The following EHMT1 variants were observed in gnomAD, a reference collection of about 807,000 sequenced individuals.
The protein encoded by EHMT1 is euchromatic histone lysine methyltransferase 1.
EHMT1 carries 15 observed loss-of-function variants against 147.2 expected under a neutral mutation model. The ratio of observed to expected loss-of-function variants is 0.10; its 90% CI spans 0.07 to 0.16. The LOEUF (loss-of-function observed/expected upper bound fraction) is 0.16. Among genes scored for constraint, EHMT1 ranks in the 10% least tolerant of loss-of-function variants. The probability of loss-of-function intolerance (pLI) is 1.00; values close to 1 mark genes in which losing one functional copy is unlikely to be tolerated. For missense variants in EHMT1, 1,587 were observed against 1,772.4 expected, an observed-to-expected ratio of 0.90 and a Z score of 1.88; for synonymous variants, 795 against 709.6, an observed-to-expected ratio of 1.12 and a Z score of -1.91.
chr9:137,745,909 A>G (rs1288624467), intron 6 of EHMT1: 1 of 198,966 alleles, frequency 5.0e-6, no homozygotes, highest in Non-Finnish European at 1.0e-5. Flanking sequence ...GCAGCTCTTC[A>G]TTGCTGAGTC....
At chr9:137,789,546 G>A (rs754596896) in intron 15 of EHMT1, among the ~76,000 whole-genome samples, 1 of 152,128 alleles carries the variant, frequency 6.6e-6, no homozygotes, top group African/African-American at 2.4e-5. Flanking sequence ...TTTGGCAGCC[G>A]GACCTTGGCT....
intron 1 of EHMT1, chr9:137,665,043 T>C (rs1939481119): frequency 6.6e-6 from 1 of 152,188 alleles, no homozygotes; most frequent in Non-Finnish European, 1.5e-5. Context: ...GATACTGTAC[T>C]AGAAAGCGTG....
chr9:137,716,513 CATGGTGGGGGAGGAAGTTGTGGTG>C, intron 2 of EHMT1, 89 bp from the exon 3 acceptor site: 1 of 648,540 alleles, frequency 1.5e-6, no homozygotes, highest in South Asian at 2.2e-5. Flanking sequence ...GTGGTGGTGT[CATGGTGGGGGAGGAAGTTGTGGTG>C]GTGTCATGGT....
chr9:137,713,915 A>T (rs1944969162), intron 2 of EHMT1, among the ~76,000 whole-genome samples: 1 of 152,058 alleles, frequency 6.6e-6, no homozygotes, highest in Non-Finnish European at 1.5e-5. Context: ...ATGCCATTGC[A>T]CTCCAGCCTG....
chr9:137,624,945 C>T (rs1433593396), intron 1 of EHMT1, among the ~76,000 whole-genome samples: 5 of 151,516 alleles, frequency 3.3e-5, no homozygotes, highest in Admixed American at 6.6e-5. Context: ...TGCAGTGACG[C>T]GATTGGGTTC....
chr9:137,715,588 C>T, intron 2 of EHMT1: 1 of 985,420 alleles, frequency 1.0e-6, no homozygotes, highest in Non-Finnish European at 1.2e-6. Context: ...TCCGTGTGCA[C>T]CTAGCGATGC....
intron 10 of EHMT1, among the ~76,000 whole-genome samples, chr9:137,767,068 C>T (rs905200227): frequency 6.6e-6 from 1 of 152,196 alleles, no homozygotes; most frequent in Admixed American, 6.5e-5. Context: ...AGCTATCCAC[C>T]TGCCTTGGCC....
chr9:137,778,539 G>A (rs551571125), intron 13 of EHMT1, among the ~76,000 whole-genome samples: 72 of 152,296 alleles, frequency 4.7e-4, no homozygotes, highest in African/African-American at 1.7e-3. Context: ...TGAGGCTTGC[G>A]GTGCCTCCTC....
In EHMT1 at chr9:137,732,976, G is replaced by C. The variant is rs1043643657; in HGVS notation, c.823+4447G>C. On this transcript the variant is annotated intron_variant, in intron 4 of 26. Transcript: ENST00000460843. The surrounding 1 kb of genome is among the most constrained non-coding windows in gnomAD (Gnocchi z 4.6). ...TAAGTTTACCACAGGCAGGAAAGAA[G>C]AGCAGAGTCACATGTTGGTTTCAAC... Among the ~76,000 whole-genome samples the C allele has an allele frequency of 6.6e-6, 1 of 152,240 alleles. No homozygotes were observed. The highest frequency in any genetic ancestry group is 1.5e-5 in the Non-Finnish European group (1 of 68,048).
At position 137,834,535 on chromosome 9, in the gene EHMT1, C is replaced by T; in HGVS notation, c.3716+11C>T. On this transcript the variant is annotated intron_variant, in intron 26 of 26. Coordinates refer to ENST00000460843, the MANE Select transcript of EHMT1 (RefSeq NM_024757.5). ...CGGCGAGCAGCTCGGGTACGCACCGCCCCGGCCCCTGGCCATCTCCGCTGC... is the reference window on the plus strand; with the variant it reads ...CGGCGAGCAGCTCGGGTACGCACCGTCCCGGCCCCTGGCCATCTCCGCTGC... The T allele has an allele frequency of 6.2e-7, 1 of 1,609,128 alleles. No individual in the cohort carries two copies. Among genetic ancestry groups the T allele is most frequent in the Non-Finnish European group, 8.5e-7 (1 of 1,179,428 alleles).
chr9:137,721,642 C>A (rs1946066489), intron 3 of EHMT1, among the ~76,000 whole-genome samples: 1 of 150,334 alleles, frequency 6.7e-6, no homozygotes, highest in Admixed American at 6.6e-5. Context: ...CCACGCCTCT[C>A]ACTCTTGTTC....
In EHMT1 at chr9:137,682,795, C is replaced by T. The variant is rs370019909; in HGVS notation, c.22-28172C>T. ...GCTGCACTGAGACCCGCAGGCCCCA[C>T]GGCTGGAGAGGTGGGGAAGGATGTG... On this transcript the variant is annotated intron_variant, in intron 1 of 26. Coordinates refer to ENST00000460843, the MANE Select transcript of EHMT1 (RefSeq NM_024757.5). Among the ~76,000 whole-genome samples, 227 of 152,350 alleles carry T rather than the reference C, an allele frequency of 1.5e-3. 1 individual carries two copies. Among genetic ancestry groups the T allele is most frequent in the Non-Finnish European group, 1.9e-3 (128 of 68,032 alleles).
chr9:137,798,285 C>T (rs1267195882), intron 16 of EHMT1, among the ~76,000 whole-genome samples: 6 of 152,090 alleles, frequency 3.9e-5, no homozygotes, highest in African/African-American at 9.7e-5. Flanking sequence ...ACCTGTAGTC[C>T]CAGCTACGTG....
chr9:137,813,061 C>G lies in EHMT1; in HGVS notation c.2923C>G (p.Pro975Ala). The G allele has an allele frequency of 4.3e-6, 7 of 1,613,958 alleles. No individual in the cohort carries two copies. The highest frequency in any genetic ancestry group is 5.9e-6 in the Non-Finnish European group (7 of 1,180,036). Residue 975 changes from proline (P) to alanine (A), a missense_variant, in exon 20 of 27, where the codon CCC (proline) becomes GCC (alanine). This residue lies in a region of EHMT1 where 78 missense variants were observed against 68.9 expected (regional missense o/e 1.13). Coordinates refer to ENST00000460843, the MANE Select transcript of EHMT1 (RefSeq NM_024757.5). This position sits in a 1 kb window ranked among gnomAD's most constrained non-coding sequence, Gnocchi z 4.9. ...CTTAAAGAACAAGGAAGGAGAGACG[C>G]CCCTGCAGTGTGCGAGCCTCAACTC... ...VTLKNKEGET[P>A]LQCASLNSQV...
chr9:137,687,022 C>A (rs1942513323), intron 1 of EHMT1, among the ~76,000 whole-genome samples: 1 of 152,202 alleles, frequency 6.6e-6, no homozygotes, highest in Admixed American at 6.5e-5. Context: ...AGCCACCGCG[C>A]TGGCCCCAAC....
At chr9:137,833,688 G>A (rs555289886) in intron 25 of EHMT1, among the ~76,000 whole-genome samples, 91 of 152,348 alleles carry the variant, frequency 6.0e-4, no homozygotes, top group African/African-American at 2.1e-3. Flanking sequence ...GGGCCATGTG[G>A]CCACCCGGAA....
chr9:137,730,024 CTTCT>C (rs1157222101), intron 4 of EHMT1, among the ~76,000 whole-genome samples: 1 of 152,238 alleles, frequency 6.6e-6, no homozygotes, highest in Admixed American at 6.5e-5. Flanking sequence ...CATTCTCAGC[CTTCT>C]TTGTCTTTCT....
chr9:137,835,110 G>C lies in EHMT1; in HGVS notation c.*157G>C. The C allele has an allele frequency of 1.1e-6, 1 of 919,094 alleles. No individual in the cohort carries two copies. The highest frequency in any genetic ancestry group is 1.5e-6 in the Non-Finnish European group (1 of 679,416). The allele number at this position is 919,094 out of a possible 1,614,324, so 56.9% of individuals were successfully genotyped here. On this transcript the variant is annotated 3_prime_UTR_variant, in exon 27 of 27. Coordinates refer to ENST00000460843, the MANE Select transcript of EHMT1 (RefSeq NM_024757.5). Reference sequence around the variant, plus strand: ...GGAGGTGAGGCTGCAGCCCCTGCGGGCGGGTGTGGATGCCTCCCAGCCACC... The same window carrying C: ...GGAGGTGAGGCTGCAGCCCCTGCGGCCGGGTGTGGATGCCTCCCAGCCACC...
intron 18 of EHMT1, among the ~76,000 whole-genome samples, chr9:137,806,150 G>A (rs1953930437): frequency 6.6e-6 from 1 of 151,750 alleles, no homozygotes; most frequent in South Asian, 2.1e-4. Flanking sequence ...ATTAGGGATG[G>A]GGGTTTCACC....
Sources: gnomAD v4.1 joint callset for allele counts (sites outside exome capture counted in the v4.1 genomes callset) on GRCh38, gnomAD v4.1.1 for gene constraint, gnomAD v4.1.1 regional missense constraint, Gnocchi (gnomAD v3.1) non-coding constraint, MANE v1.5 for transcripts, NCBI Gene and HGNC (gene_info 2026-07-23, HGNC 2026-07-21) for gene names.